MAML3: variants seen among roughly 807,000 people sequenced by gnomAD.
MAML3 encodes the protein mastermind-like protein 3.
A neutral mutation model predicts 101.9 loss-of-function variants in MAML3; 27 were observed. The observed-to-expected ratio is 0.27, with a 90% CI of 0.20 to 0.37. The LOEUF is 0.37. Among genes scored for constraint, MAML3 ranks in the 10% least tolerant of loss-of-function variants. The probability of loss-of-function intolerance (pLI) is 1.00; values close to 1 mark genes in which losing one functional copy is unlikely to be tolerated. For missense variants in MAML3, 1,316 were observed against 1,444.9 expected, an observed-to-expected ratio of 0.91 and a Z score of 1.45; for synonymous variants, 501 against 555.9, an observed-to-expected ratio of 0.90 and a Z score of 1.39.
chr4:140,139,488 C>T (rs1332198032), intron 1 of MAML3, among the ~76,000 whole-genome samples: 2 of 151,258 alleles, frequency 1.3e-5, no homozygotes, highest in South Asian at 2.1e-4. Context: ...AACAGGAGTT[C>T]GAGACCAGCC....
At chr4:140,150,361 C>CA (rs1729137906) in intron 1 of MAML3, among the ~76,000 whole-genome samples, 2 of 152,152 alleles carry the variant, frequency 1.3e-5, no homozygotes, top group South Asian at 4.1e-4. Flanking sequence ...GAGTGTATCA[C>CA]AAACCAGGCG....
At chr4:139,990,410 A>C (rs1334600266) in intron 1 of MAML3, among the ~76,000 whole-genome samples, 8 of 151,154 alleles carry the variant, frequency 5.3e-5, no homozygotes, top group Non-Finnish European at 1.2e-4. Flanking sequence ...TCAAAATAAT[A>C]AGAGCTATCT....
chr4:139,877,147 A>G (rs1383745054), intron 2 of MAML3, among the ~76,000 whole-genome samples: 1 of 152,248 alleles, frequency 6.6e-6, no homozygotes, highest in Non-Finnish European at 1.5e-5. Flanking sequence ...GGTAAATTGC[A>G]TAATCTCATG....
chr4:140,138,624 T>C (rs541457615), intron 1 of MAML3, among the ~76,000 whole-genome samples: 18 of 152,164 alleles, frequency 1.2e-4, no homozygotes, highest in African/African-American at 4.3e-4. Flanking sequence ...GCCACCTGCA[T>C]GCTTGGCAAA....
At position 140,013,649 on chromosome 4, in the gene MAML3, T is replaced by C. The variant is rs146409092; in HGVS notation, c.469-122682A>G. On this transcript the variant is annotated intron_variant, in intron 1 of 4. Transcript: ENST00000509479. ...TTCTAGATGAATAAACTGAGCTTTATGGAAATTAGATTACTTGCTCAAAGT... is the reference window on the plus strand; with the variant it reads ...TTCTAGATGAATAAACTGAGCTTTACGGAAATTAGATTACTTGCTCAAAGT... 2.4e-3 allele frequency among the ~76,000 whole-genome samples: 373 copies of C among 152,354 alleles called. 1 individual carries two copies. The highest frequency in any genetic ancestry group is 4.2e-3 in the Non-Finnish European group (286 of 68,032).
At chr4:139,730,274 G>T (rs1728646212) in intron 3 of MAML3, 142 bp downstream of exon 3, 2 of 738,546 alleles carry the variant, frequency 2.7e-6, no homozygotes, top group Admixed American at 2.4e-5. Context: ...AAATTCTTCA[G>T]GTTCTCTTGT....
intron 2 of MAML3, among the ~76,000 whole-genome samples, chr4:139,813,780 A>G (rs990557623): frequency 1.3e-5 from 2 of 152,130 alleles, no homozygotes; most frequent in Admixed American, 1.3e-4. Context: ...GGGCCAAAGG[A>G]TGCAGGACTC....
chr4:139,746,568 A>C (rs1190275210), intron 2 of MAML3, among the ~76,000 whole-genome samples: 1 of 152,120 alleles, frequency 6.6e-6, no homozygotes, highest in African/African-American at 2.4e-5. Context: ...TTCTAATCCC[A>C]GGGAGGGGCT....
At chr4:140,034,313 G>GAAC in intron 1 of MAML3, among the ~76,000 whole-genome samples, 2 of 152,210 alleles carry the variant, frequency 1.3e-5, no homozygotes, top group African/African-American at 4.8e-5. Context: ...GTCTGGTTGT[G>GAAC]ATTTGACTTA....
At chr4:139,863,496 A>C (rs1314205507) in intron 2 of MAML3, among the ~76,000 whole-genome samples, 3 of 151,926 alleles carry the variant, frequency 2.0e-5, no homozygotes, top group African/African-American at 4.8e-5. Flanking sequence ...GATTACAGGC[A>C]TGTGACATCA....
At chr4:139,816,560 G>A (rs936644917) in intron 2 of MAML3, among the ~76,000 whole-genome samples, 1 of 152,102 alleles carries the variant, frequency 6.6e-6, no homozygotes, top group Non-Finnish European at 1.5e-5. Flanking sequence ...AGGAACAGAC[G>A]GGGGTCACCA....
intron 2 of MAML3, among the ~76,000 whole-genome samples, chr4:139,833,377 G>A (rs1038673555): frequency 6.6e-6 from 1 of 152,182 alleles, no homozygotes; most frequent in Non-Finnish European, 1.5e-5. Context: ...ATGCATTGTG[G>A]CTAATTACAT....
intron 1 of MAML3, among the ~76,000 whole-genome samples, chr4:139,905,891 T>G (rs1014902923): frequency 6.6e-6 from 1 of 152,188 alleles, no homozygotes; most frequent in Non-Finnish European, 1.5e-5. Context: ...TACTGTCACA[T>G]TTTGAGAAAC....
chr4:139,925,589 A>C (rs1192855091), intron 1 of MAML3, among the ~76,000 whole-genome samples: 2 of 152,126 alleles, frequency 1.3e-5, no homozygotes, highest in Non-Finnish European at 2.9e-5. Context: ...TTGTCCAAAA[A>C]CTGAGAGTAT....
Position 139,889,363 on chromosome 4 carries a change from G to A in MAML3, c.2073C>T (p.His691=), listed in dbSNP as rs764960147. ...QPMAYAALPS[H]GQEQHPVGLP... Reference sequence around the variant, plus strand: ...GTGTCACTTTCACACTTACCTGACCGTGGGATGGAAGTGCAGCGTAAGCCA... The same window carrying A: ...GTGTCACTTTCACACTTACCTGACCATGGGATGGAAGTGCAGCGTAAGCCA... Residue 691 remains histidine, a synonymous_variant, in exon 2 of 5, where the codon CAC becomes CAT. Transcript: ENST00000509479. 7.4e-6 allele frequency: 12 copies of A among 1,613,894 alleles called. No individual in the cohort carries two copies. In the Middle Eastern group the frequency reaches 6.6e-4, roughly 88 times the overall value.
At chr4:139,771,558 G>C (rs543708009) in intron 2 of MAML3, among the ~76,000 whole-genome samples, 1 of 152,174 alleles carries the variant, frequency 6.6e-6, no homozygotes, top group African/African-American at 2.4e-5. Flanking sequence ...GTAAGTATCT[G>C]GGACTACAGG....
At chr4:139,802,136 C>T (rs1730620784) in intron 2 of MAML3, among the ~76,000 whole-genome samples, 1 of 152,156 alleles carries the variant, frequency 6.6e-6, no homozygotes, top group African/African-American at 2.4e-5. Context: ...AACTCTCCAG[C>T]TCCACTGGGG....
rs568181825 is a variant in MAML3 at position 139,737,582 on chromosome 4, C to T, written c.2080-6915G>A. Among the ~76,000 whole-genome samples the T allele has an allele frequency of 8.4e-4, 127 of 151,914 alleles. 2 individuals carry two copies. Among genetic ancestry groups the T allele is most frequent in the South Asian group, 6.0e-3 (29 of 4,810 alleles). ...ATTTTTTTTAATATGTTGTCTGGTA[C>T]CCAAAATTGGGATGCCTCTGTGGTA... is the stretch of plus-strand genomic sequence containing the variant. On this transcript the variant is annotated intron_variant, in intron 2 of 4. Coordinates refer to ENST00000509479, the MANE Select transcript of MAML3 (RefSeq NM_018717.5).
intron 1 of MAML3, among the ~76,000 whole-genome samples, chr4:139,973,290 C>T (rs189319288): frequency 1.0e-3 from 159 of 152,290 alleles, no homozygotes; most frequent in Non-Finnish European, 1.9e-3. Context: ...TCATTTCAAA[C>T]CTCAGGAGCT....
Sources: allele counts gnomAD v4.1 joint callset (sites outside exome capture counted in the v4.1 genomes callset), GRCh38; gene constraint gnomAD v4.1.1; transcripts MANE v1.5; gene names NCBI Gene and HGNC (gene_info 2026-07-23, HGNC 2026-07-21).